DOCK11: variants seen among roughly 807,000 people sequenced by gnomAD.
DOCK11 encodes dedicator of cytokinesis protein 11.
In DOCK11, 70 loss-of-function variants were observed where a neutral mutation model predicts 169.1. That is an observed-to-expected ratio of 0.41 (90% CI 0.34 to 0.51). DOCK11 has a LOEUF of 0.51. Ranked by LOEUF, DOCK11 falls within the 20% of genes least tolerant of loss-of-function variation. The pLI, the probability that DOCK11 is intolerant of heterozygous loss-of-function variation, is 0.10. For synonymous variants in DOCK11, 529 were observed against 541.3 expected, an observed-to-expected ratio of 0.98 and a Z score of 0.32; for missense variants, 1,166 against 1,538.8, an observed-to-expected ratio of 0.76 and a Z score of 4.05.
Position 118,638,146 on chromosome X carries a change from C to A in DOCK11, c.4001+19C>A. 1.7e-6 allele frequency: 2 copies of A among 1,195,445 alleles called. No individual in the cohort carries two copies. Among genetic ancestry groups the A allele is most frequent in the Non-Finnish European group, 2.3e-6 (2 of 882,608 alleles). On this transcript the variant is annotated intron_variant, in intron 37 of 52. Transcript: ENST00000276202. ...TAGCAAGGTAATTCCCATAGCACTG[C>A]AATTTCTACTTTTTCCTTCTCTTCC... is the stretch of plus-strand genomic sequence containing the variant.
intron 3 of DOCK11, 110 bp from the exon 4 acceptor site, chrX:118,543,401 A>T: frequency 1.7e-6 from 1 of 578,172 alleles, no homozygotes; most frequent in Non-Finnish European, 2.8e-6. Flanking sequence ...CAGTACTAGT[A>T]ATTGCCAAAT....
At chrX:118,500,913 G>A (rs1444465717) in intron 1 of DOCK11, among the ~76,000 whole-genome samples, 2 of 111,373 alleles carry the variant, frequency 1.8e-5, no homozygotes, top group Non-Finnish European at 3.8e-5. Context: ...AAAGTGCTGG[G>A]ATTACAGGCA....
At position 118,655,057 on chromosome X, in the gene DOCK11, A is replaced by G. The variant is rs1198125717; in HGVS notation, c.4969+96A>G. The G allele has an allele frequency of 3.7e-6, 3 of 807,443 alleles. No individual in the cohort carries two copies. In the African/African-American group the frequency reaches 6.2e-5, roughly 17 times the overall value. The allele number at this position is 807,443 out of a possible 1,213,427, so 66.5% of individuals were successfully genotyped here. On this transcript the variant is annotated intron_variant, in intron 44 of 52. Coordinates refer to ENST00000276202, the MANE Select transcript of DOCK11 (RefSeq NM_144658.4). ...AGCTATGAATATGATATAATAGAAC[A>G]CTGAAAAATATGTTCACCCTTGGCC...
At chrX:118,589,057 C>T (rs1032630250) in intron 18 of DOCK11, among the ~76,000 whole-genome samples, 2 of 111,500 alleles carry the variant, frequency 1.8e-5, no homozygotes, top group African/African-American at 6.5e-5. Flanking sequence ...GAAGTCAGAA[C>T]ATCTAGCCAG....
At chrX:118,534,331 T>G (rs1455268620) in intron 1 of DOCK11, among the ~76,000 whole-genome samples, 1 of 112,474 alleles carries the variant, frequency 8.9e-6, no homozygotes, top group Non-Finnish European at 1.9e-5. Flanking sequence ...CTGGCTGTAA[T>G]GAAAAATGTT....
intron 48 of DOCK11, among the ~76,000 whole-genome samples, chrX:118,677,529 G>T (rs1360943779): frequency 8.9e-6 from 1 of 112,273 alleles, no homozygotes; most frequent in African/African-American, 3.2e-5. Flanking sequence ...TTTACTGAGT[G>T]ACTATGATAT....
intron 46 of DOCK11, among the ~76,000 whole-genome samples, chrX:118,675,255 AT>A (rs1201458450): frequency 2.7e-5 from 3 of 111,808 alleles, no homozygotes; most frequent in African/African-American, 9.8e-5. Context: ...ACCATTGCTT[AT>A]TTTTATATTT....
chrX:118,512,201 C>T (rs2057654922), intron 1 of DOCK11, among the ~76,000 whole-genome samples: 2 of 112,174 alleles, frequency 1.8e-5, no homozygotes, highest in Admixed American at 1.9e-4. Flanking sequence ...ATGCCCTGCT[C>T]CGCTGATTTC....
At chrX:118,523,267 A>G (rs1028156674) in intron 1 of DOCK11, among the ~76,000 whole-genome samples, 1 of 112,147 alleles carries the variant, frequency 8.9e-6, no homozygotes, top group Admixed American at 9.4e-5. Flanking sequence ...AATTAAATAC[A>G]AAAAAGAACT....
intron 1 of DOCK11, among the ~76,000 whole-genome samples, chrX:118,513,545 A>G (rs1031471236): frequency 3.6e-5 from 4 of 112,059 alleles, no homozygotes; most frequent in Admixed American, 2.8e-4. Flanking sequence ...AACCCACTTC[A>G]AGGCCATGGT....
At chrX:118,572,293 TGAAAATGA>T (rs1407062138) in intron 10 of DOCK11, 22 bp from the exon 11 acceptor site, 9 of 1,102,718 alleles carry the variant, frequency 8.2e-6, no homozygotes, top group Admixed American at 8.0e-5. Flanking sequence ...CATCTTTTTT[TGAAAATGA>T]TTCATACTAT....
chrX:118,534,564 T>C (rs1357174497), intron 1 of DOCK11, among the ~76,000 whole-genome samples: 1 of 112,382 alleles, frequency 8.9e-6, no homozygotes, highest in East Asian at 2.8e-4. Flanking sequence ...GTTTCTATGT[T>C]AGATTTAAAG....
chrX:118,532,106 A>T (rs2011606942), intron 1 of DOCK11, among the ~76,000 whole-genome samples: 1 of 107,101 alleles, frequency 9.3e-6, no homozygotes, highest in African/African-American at 3.4e-5. Context: ...TCAGAGGAGG[A>T]TGTGTAATAA....
chrX:118,557,710 G>A (rs1208653788), intron 6 of DOCK11, among the ~76,000 whole-genome samples: 1 of 89,680 alleles, frequency 1.1e-5, no homozygotes, highest in Non-Finnish European at 2.1e-5. Context: ...CTTGCAGTGA[G>A]CCGAGATCGC....
chrX:118,530,377 G>A (rs2011484794), intron 1 of DOCK11, among the ~76,000 whole-genome samples: 1 of 112,672 alleles, frequency 8.9e-6, no homozygotes, highest in Admixed American at 9.3e-5. Context: ...CTGGCTTTCA[G>A]TGGATAAATG....
chrX:118,550,866 T>G (rs1461988626), intron 6 of DOCK11, among the ~76,000 whole-genome samples: 1 of 112,008 alleles, frequency 8.9e-6, no homozygotes, highest in Non-Finnish European at 1.9e-5. Context: ...AGAGGAAAGT[T>G]TCTATGTATT....
chrX:118,650,334 G>T (rs1030397575), intron 41 of DOCK11, among the ~76,000 whole-genome samples: 52 of 112,038 alleles, frequency 4.6e-4, no homozygotes, highest in African/African-American at 1.5e-3. Context: ...ATACTTTTGG[G>T]TTTATTGGAT....
Position 118,628,286 on chromosome X carries a change from T to G in DOCK11, c.3774+14T>G, listed in dbSNP as rs370179561. On this transcript the variant is annotated intron_variant, in intron 34 of 52. Coordinates refer to ENST00000276202, the MANE Select transcript of DOCK11 (RefSeq NM_144658.4). ...ACTGGTGAAAATGTAAGAACTTAAA[T>G]ATATAGGATGACCCTAGTGACACAT... 1.2e-5 allele frequency: 13 copies of G among 1,104,999 alleles called. No individual in the cohort carries two copies. The African/African-American group carries it at 2.0e-4, about 17-fold the overall frequency. The allele number at this position is 1,104,999 out of a possible 1,213,427, so 91.1% of individuals were successfully genotyped here. A position where few individuals can be genotyped will look rare whatever the true frequency, so the allele number is the denominator to read the frequency against.
rs1485735038 is a variant in DOCK11 at position 118,542,793 on chromosome X, C to T, written c.171C>T (p.Tyr57=). 3.3e-6 allele frequency: 4 copies of T among 1,208,259 alleles called. No individual in the cohort carries two copies. The highest frequency in any genetic ancestry group is 4.5e-6 in the Non-Finnish European group (4 of 894,054). ...NVIAQRKTQI[Y]SDPLRDLLMF... Reference sequence around the variant, plus strand: ...TTGCCCAAAGAAAAACCCAGATTTACAGCGACCCCCTCCGAGATCTGCTTA... The same window carrying T: ...TTGCCCAAAGAAAAACCCAGATTTATAGCGACCCCCTCCGAGATCTGCTTA... The change falls in exon 2 of 53, where the codon TAC becomes TAT. Residue 57 remains tyrosine, a synonymous_variant. Coordinates refer to ENST00000276202, the MANE Select transcript of DOCK11 (RefSeq NM_144658.4).
Sources: gnomAD v4.1 joint callset for allele counts (sites outside exome capture counted in the v4.1 genomes callset) on GRCh38, gnomAD v4.1.1 for gene constraint, MANE v1.5 for transcripts, NCBI Gene and HGNC (gene_info 2026-07-23, HGNC 2026-07-21) for gene names.